Variants in MYCN observed in about 807,000 individuals in gnomAD.
MYCN encodes the protein N-myc proto-oncogene protein.
Under a neutral mutation model 28.1 loss-of-function variants are expected in MYCN, and 3 were observed. The observed-to-expected ratio is 0.11, with a 90% confidence interval of 0.05 to 0.28. MYCN has a LOEUF of 0.28. MYCN is among the 10% of genes least tolerant of loss of function. The pLI is 1.00. For missense variants in MYCN, 572 were observed against 651.4 expected (o/e 0.88, Z 1.33); for synonymous variants, 326 against 288.3 (o/e 1.13, Z -1.32).
chr2:15,945,395 G>C lies in MYCN; in HGVS notation c.791-98G>C. 1.4e-6 allele frequency: 2 copies of C among 1,421,258 alleles called. No homozygotes were observed. Among genetic ancestry groups the C allele is most frequent in the Non-Finnish European group, 1.9e-6 (2 of 1,031,266 alleles). The allele number at this position is 1,421,258 out of a possible 1,614,324, so 88.0% of individuals were successfully genotyped here. On this transcript the variant is annotated intron_variant, in intron 2 of 2. Transcript: ENST00000281043. The surrounding 1 kb of genome is among the most constrained non-coding windows in gnomAD (Gnocchi z 4.8). ...TAAAAATAGCAGTCTGCCAGGGTCT[G>C]CCGGAAGAGACAGATAAGCATACAT...
At position 15,945,633 on chromosome 2, in the gene MYCN, G is replaced by T; in HGVS notation, c.931G>T (p.Gly311Trp). Reference protein sequence around the residue: ...VRPKNAALGPGRAQSSELILK... With the variant: ...VRPKNAALGPWRAQSSELILK... ...TCCCAAGAACGCAGCCCTGGGTCCC[G>T]GGAGGGCTCAGTCCAGCGAGCTGAT... Residue 311 changes from glycine (G) to tryptophan (W), a missense_variant, in exon 3 of 3, where the codon GGG (glycine) becomes TGG (tryptophan). Around this residue, in one of 3 missense-constraint regions of MYCN, gnomAD observed 499 missense variants for 524.3 expected, o/e 0.95. Coordinates refer to ENST00000281043, the MANE Select transcript of MYCN (RefSeq NM_005378.6). The surrounding 1 kb of genome is among the most constrained non-coding windows in gnomAD (Gnocchi z 4.8). 8.1e-6 allele frequency: 13 copies of T among 1,614,102 alleles called. No homozygotes were observed. Among genetic ancestry groups the T allele is most frequent in the Non-Finnish European group, 1.1e-5 (13 of 1,180,020 alleles).
Position 15,942,169 on chromosome 2 carries a change from C to A in MYCN, c.105C>A (p.Phe35Leu), listed in dbSNP as rs766296336. The A allele has an allele frequency of 1.2e-6, 2 of 1,613,892 alleles. No individual in the cohort carries two copies. Among genetic ancestry groups the A allele is most frequent in the African/African-American group, 1.3e-5 (1 of 75,056 alleles). Residue 35 changes from phenylalanine (F) to leucine (L), a missense_variant, in exon 2 of 3, where the codon TTC becomes TTA. Physicochemically the swap from Phe to Leu is conservative, Grantham distance 22. This residue lies in a region of MYCN where 499 missense variants were observed against 524.3 expected (regional missense o/e 0.95). Coordinates refer to ENST00000281043, the MANE Select transcript of MYCN (RefSeq NM_005378.6). This position sits in a 1 kb window ranked among gnomAD's most constrained non-coding sequence, Gnocchi z 7.0. ...QPCFYPDEDD[F>L]YFGGPDSTPP... ...GCTTCTACCCGGACGAAGATGACTT[C>A]TACTTCGGCGGCCCCGACTCGACCC...
intron 2 of MYCN, among the ~76,000 whole-genome samples, chr2:15,944,872 G>A (rs546284501): frequency 1.3e-5 from 2 of 152,266 alleles, no homozygotes; most frequent in East Asian, 3.9e-4. Context: ...TAAAGGCCAA[G>A]TTCTTTATAT....
rs1265761325 is a variant in MYCN at position 15,941,753 on chromosome 2, C to G, written c.-117-195C>G. 9.7e-6 allele frequency: 5 copies of G among 512,884 alleles called. No individual in the cohort carries two copies. In the Admixed American group the frequency reaches 9.9e-5, roughly 10 times the overall value. The allele number at this position is 512,884 out of a possible 1,614,324, so 31.8% of individuals were successfully genotyped here. ...CTGCATGCCCCCTCCCACCCCCTGT[C>G]GTAGACAGCTTGTACACAAAAGGAG... On this transcript the variant is annotated intron_variant, in intron 1 of 2. Transcript: ENST00000281043. The surrounding 1 kb of genome is among the most constrained non-coding windows in gnomAD (Gnocchi z 4.8).
Position 15,941,988 on chromosome 2 carries a change from A to G in MYCN, c.-77A>G, listed in dbSNP as rs1558533338. ...CCGGCCCCCGCCTTCCGCGCCCCCC[A>G]CGGGAAGGAAGCACCCCCGGTATTA... On this transcript the variant is annotated 5_prime_UTR_variant, in exon 2 of 3. Coordinates refer to ENST00000281043, the MANE Select transcript of MYCN (RefSeq NM_005378.6). This position sits in a 1 kb window ranked among gnomAD's most constrained non-coding sequence, Gnocchi z 4.8. The G allele has an allele frequency of 1.9e-6, 3 of 1,577,180 alleles. No homozygotes were observed. Among genetic ancestry groups the G allele is most frequent in the African/African-American group, 2.7e-5 (2 of 73,740 alleles).
Position 15,945,518 on chromosome 2 carries a change from T to C in MYCN, c.816T>C (p.Asp272=), listed in dbSNP as rs754536347. 1.7e-5 allele frequency: 28 copies of C among 1,612,552 alleles called. No homozygotes were observed. The East Asian group carries it at 1.8e-4, about 10-fold the overall frequency. ...ATGATGAAGATGATGAAGAGGAAGA[T>C]GAAGAGGAAGAAATCGACGTGGTCA... ...DSDDEDDEEE[D]EEEEIDVVTV... is the part of the protein sequence containing the mutation. The change falls in exon 3 of 3, where the codon GAT becomes GAC. Residue 272 remains aspartate, a synonymous_variant. Coordinates refer to ENST00000281043, the MANE Select transcript of MYCN (RefSeq NM_005378.6). This position sits in a 1 kb window ranked among gnomAD's most constrained non-coding sequence, Gnocchi z 4.8.
intron 1 of MYCN, chr2:15,940,988 G>C (rs957972334): frequency 7.8e-6 from 3 of 382,490 alleles, no homozygotes; most frequent in Non-Finnish European, 1.4e-5. Flanking sequence ...GGGAGTAATG[G>C]CTTCTGCGAA....
chr2:15,941,343 AG>A lies in MYCN; in HGVS notation c.-118+601del, dbSNP rs1184731693. On this transcript the variant is annotated intron_variant, in intron 1 of 2. Coordinates refer to ENST00000281043, the MANE Select transcript of MYCN (RefSeq NM_005378.6). The surrounding 1 kb of genome is among the most constrained non-coding windows in gnomAD (Gnocchi z 4.8). ...AAGCTATTGGCAGGAGTATCCCTGC[AG>A]CGGGTGAATGCCGAGGGGCGTTTGC... 1 of 152,626 alleles carries A rather than the reference AG, an allele frequency of 6.6e-6. No homozygotes were observed. The highest frequency in any genetic ancestry group is 1.5e-5 in the Non-Finnish European group (1 of 68,346). 9.5% of individuals were successfully genotyped at this position (152,626 alleles called of 1,614,324 possible). A position where few individuals can be genotyped will look rare whatever the true frequency, so the allele number is the denominator to read the frequency against.
rs1354076998 is a variant in MYCN, at chr2:15,942,298, C to A, written c.234C>A (p.Val78=). The change falls in exon 2 of 3, where the codon GTC becomes GTA. Residue 78 remains valine, a synonymous_variant. Transcript: ENST00000281043. The surrounding 1 kb of genome is among the most constrained non-coding windows in gnomAD (Gnocchi z 7.0). The part of the protein sequence containing the change: ...AEHSSEPPSW[V]TEMLLENELW... ...ACAGCTCCGAGCCCCCGAGCTGGGT[C>A]ACGGAGATGCTGCTTGAGAACGAGC... is the stretch of plus-strand genomic sequence containing the variant. 3 of 1,610,468 alleles carry A rather than the reference C, an allele frequency of 1.9e-6. No homozygotes were observed. The highest frequency in any genetic ancestry group is 2.5e-6 in the Non-Finnish European group (3 of 1,179,044).
rs1662638460 is a variant in MYCN at position 15,941,023 on chromosome 2, ATCTG to A, written c.-118+286_-118+289del. 6.1e-6 allele frequency: 2 copies of A among 328,390 alleles called. No individual in the cohort carries two copies. Among genetic ancestry groups the A allele is most frequent in the East Asian group, 4.7e-5 (1 of 21,440 alleles). 20.3% of individuals were successfully genotyped at this position (328,390 alleles called of 1,614,324 possible). A position where few individuals can be genotyped will look rare whatever the true frequency, so the allele number is the denominator to read the frequency against. On this transcript the variant is annotated intron_variant, in intron 1 of 2. Transcript: ENST00000281043. This position sits in a 1 kb window ranked among gnomAD's most constrained non-coding sequence, Gnocchi z 4.8. Reference sequence around the variant, plus strand: ...AAAGAAATTCCCTCGGCTCTAGAAGATCTGTCTGTGTTTGAGCTGTCGGAGAGCC... The same window carrying A: ...AAAGAAATTCCCTCGGCTCTAGAAGATCTGTGTTTGAGCTGTCGGAGAGCC...
At position 15,942,022 on chromosome 2, in the gene MYCN, G is replaced by T. The variant is rs757126575; in HGVS notation, c.-43G>T. On this transcript the variant is annotated 5_prime_UTR_variant, in exon 2 of 3. Transcript: ENST00000281043. The surrounding 1 kb of genome is among the most constrained non-coding windows in gnomAD (Gnocchi z 7.0). ...AAGCACCCCCGGTATTAAAACGAACGGGGCGGAAAGAAGCCCTCAGTCGCC... is the reference window on the plus strand; with the variant it reads ...AAGCACCCCCGGTATTAAAACGAACTGGGCGGAAAGAAGCCCTCAGTCGCC... 9 of 1,611,976 alleles carry T rather than the reference G, an allele frequency of 5.6e-6. No individual in the cohort carries two copies. The South Asian group carries it at 8.8e-5, about 16-fold the overall frequency.
At position 15,945,225 on chromosome 2, in the gene MYCN, C is replaced by T. The variant is rs1375296123; in HGVS notation, c.791-268C>T. On this transcript the variant is annotated intron_variant, in intron 2 of 2. Transcript: ENST00000281043. The surrounding 1 kb of genome is among the most constrained non-coding windows in gnomAD (Gnocchi z 4.8). ...ATGTTGGCCAGGCTGATCTTGAACT[C>T]CTCATCTCAGGTGATCTGCCCGCCT... 6.6e-6 allele frequency among the ~76,000 whole-genome samples: 1 copy of T among 152,044 alleles called. No individual in the cohort carries two copies. The highest frequency in any genetic ancestry group is 1.5e-5 in the Non-Finnish European group (1 of 68,018).
In MYCN at chr2:15,945,935, G is replaced by C; in HGVS notation, c.1233G>C (p.Leu411Phe). Residue 411 changes from leucine (L) to phenylalanine (F), a missense_variant, in exon 3 of 3, where the codon TTG becomes TTC. Leu to Phe is a conservative substitution (Grantham distance 22). Around this residue, in one of 3 missense-constraint regions of MYCN, gnomAD observed 61 missense variants for 81.6 expected, o/e 0.75. Transcript: ENST00000281043. This position sits in a 1 kb window ranked among gnomAD's most constrained non-coding sequence, Gnocchi z 4.8. ...FLTLRDHVPE[L>F]VKNEKAAKVV... ...CGCTCAGGGACCACGTGCCGGAGTT[G>C]GTAAAGAATGAGAAGGCCGCCAAGG... 6.2e-7 allele frequency: 1 copy of C among 1,614,132 alleles called. No homozygotes were observed. The highest frequency in any genetic ancestry group is 8.5e-7 in the Non-Finnish European group (1 of 1,180,036).
At chr2:15,944,340 T>C (rs546645824) in intron 2 of MYCN, among the ~76,000 whole-genome samples, 1 of 152,200 alleles carries the variant, frequency 6.6e-6, no homozygotes, top group Non-Finnish European at 1.5e-5. Context: ...AATGCGCACA[T>C]GATGCTACAC....
At position 15,946,075 on chromosome 2, in the gene MYCN, T is replaced by C. The variant is rs759475462; in HGVS notation, c.1373T>C (p.Ile458Thr). ...AGACAGCAGCAGTTGCTAAAGAAAA[T>C]TGAACACGCTCGGACTTGCTAGACG... The part of the protein sequence containing the change: ...QARQQQLLKK[I>T]EHARTC The change falls in exon 3 of 3, where the codon ATT becomes ACT. Residue 458 changes from isoleucine to threonine, a missense_variant. Ile to Thr is a moderately conservative substitution (Grantham distance 89). Around this residue, in one of 3 missense-constraint regions of MYCN, gnomAD observed 61 missense variants for 81.6 expected, o/e 0.75. Transcript: ENST00000281043. 1 of 1,614,180 alleles carries C rather than the reference T, an allele frequency of 6.2e-7. No individual in the cohort carries two copies. The highest frequency in any genetic ancestry group is 8.5e-7 in the Non-Finnish European group (1 of 1,180,038).
At chr2:15,943,547 T>C (rs1219785691) in intron 2 of MYCN, among the ~76,000 whole-genome samples, 1 of 150,982 alleles carries the variant, frequency 6.6e-6, no homozygotes, top group African/African-American at 2.4e-5. Context: ...CTGGGGGTGG[T>C]GGGGGCACCC....
intron 1 of MYCN, 32 bp downstream of exon 1, chr2:15,940,775 C>T (rs1662620867): frequency 2.5e-6 from 1 of 398,382 alleles, no homozygotes; most frequent in South Asian, 1.3e-4. Context: ...CCGCCCGGCG[C>T]CCAGGGAAGC....
intron 2 of MYCN, among the ~76,000 whole-genome samples, chr2:15,943,063 G>C (rs1378860535): frequency 6.6e-6 from 1 of 152,202 alleles, no homozygotes; most frequent in Non-Finnish European, 1.5e-5. Flanking sequence ...TCCAATTCTC[G>C]CCTTCACTAA....
chr2:15,942,822 G>T lies in MYCN; in HGVS notation c.758G>T (p.Ser253Ile). 6.4e-7 allele frequency: 1 copy of T among 1,573,528 alleles called. No individual in the cohort carries two copies. Among genetic ancestry groups the T allele is most frequent in the Non-Finnish European group, 8.6e-7 (1 of 1,167,100 alleles). ...QTSGGDHKAL[S>I]TSGEDTLSDS... Reference sequence around the variant, plus strand: ...AGCGGCGGCGACCACAAGGCCCTCAGTACCTCCGGAGAGGACACCCTGAGC... The same window carrying T: ...AGCGGCGGCGACCACAAGGCCCTCATTACCTCCGGAGAGGACACCCTGAGC... The change falls in exon 2 of 3, where the codon AGT becomes ATT. Residue 253 changes from serine (S) to isoleucine (I), a missense_variant. Around this residue, in one of 3 missense-constraint regions of MYCN, gnomAD observed 499 missense variants for 524.3 expected, o/e 0.95. Coordinates refer to ENST00000281043, the MANE Select transcript of MYCN (RefSeq NM_005378.6). This position sits in a 1 kb window ranked among gnomAD's most constrained non-coding sequence, Gnocchi z 7.0.
Sources: gnomAD v4.1 joint callset for allele counts (sites outside exome capture counted in the v4.1 genomes callset) on GRCh38, gnomAD v4.1.1 for gene constraint, gnomAD v4.1.1 regional missense constraint, Gnocchi (gnomAD v3.1) non-coding constraint, MANE v1.5 for transcripts, NCBI Gene and HGNC (gene_info 2026-07-23, HGNC 2026-07-21) for gene names.